GPAT3: variants seen among roughly 807,000 people sequenced by gnomAD.
GPAT3 encodes the protein 1-AGP acyltransferase 9.
GPAT3 carries 53 observed loss-of-function variants against 58.8 expected under a neutral mutation model. The ratio of observed to expected loss-of-function variants is 0.90; its 90% CI spans 0.72 to 1.13. The LOEUF (loss-of-function observed/expected upper bound fraction) is 1.13. Ranked by LOEUF, GPAT3 falls within the 50% of genes most tolerant of loss-of-function variation. The probability of loss-of-function intolerance (pLI) is 0.00; values close to 1 mark genes in which losing one functional copy is unlikely to be tolerated. For synonymous variants in GPAT3, 197 were observed against 187.4 expected (o/e 1.05, Z -0.42); for missense variants, 511 against 527.6 (o/e 0.97, Z 0.31).
At chr4:83,553,265 G>C (rs1724820209) in intron 2 of GPAT3, among the ~76,000 whole-genome samples, 1 of 152,184 alleles carries the variant, frequency 6.6e-6, no homozygotes, top group Non-Finnish European at 1.5e-5. Flanking sequence ...GGTGTGAAGA[G>C]AGGGAATTAA....
Position 83,538,864 on chromosome 4 carries a change from A to C in GPAT3, c.141+2101A>C, listed in dbSNP as rs140864948. On this transcript the variant is annotated intron_variant, in intron 1 of 11. Transcript: ENST00000264409. ...AACTTGGAAACCAGGTAGGTGACAC[A>C]TCAGGAACCCACCCTGTCTGCTGAG... Among the ~76,000 whole-genome samples the C allele has an allele frequency of 6.1e-3, 926 of 152,328 alleles. 11 individuals carry two copies. The highest frequency in any genetic ancestry group is 0.021 in the African/African-American group (879 of 41,574).
intron 7 of GPAT3, among the ~76,000 whole-genome samples, chr4:83,596,423 C>A (rs1241511415): frequency 6.6e-6 from 1 of 152,064 alleles, no homozygotes; most frequent in Non-Finnish European, 1.5e-5. Context: ...GAGTTCGAGA[C>A]CAACCTGGGC....
At chr4:83,560,549 G>A (rs571134794) in intron 2 of GPAT3, among the ~76,000 whole-genome samples, 4 of 152,214 alleles carry the variant, frequency 2.6e-5, no homozygotes, top group South Asian at 2.1e-4. Context: ...TTGTGGGTGG[G>A]ATACTTTGGC....
rs1560601311 is a variant in GPAT3 at position 83,544,601 on chromosome 4, T to G, written c.207T>G (p.Val69=). ...KESILKNSAS[V]GIIQRDESPM... is the part of the protein sequence containing the mutation. The stretch of plus-strand genomic sequence containing the variant: ...CGATTCTTAAAAACTCTGCTTCTGT[T>G]GGTGAGTTTTCCTTTTCATTATGAT... Residue 69 remains valine (V), a splice_region_variant and synonymous_variant, in exon 2 of 12, where the codon GTT becomes GTG. Transcript: ENST00000264409. 3.7e-6 allele frequency: 6 copies of G among 1,613,856 alleles called. No individual in the cohort carries two copies. The highest frequency in any genetic ancestry group is 5.1e-6 in the Non-Finnish European group (6 of 1,179,924).
In GPAT3 at chr4:83,536,410, AGTTAACT is replaced by A. The variant is rs1724084403; in HGVS notation, c.-211_-205del. ...AGACCTGGGCAGCCAGCGGAGAAAG[AGTTAACT>A]GGCAGGGGCGAGGAGGAGCCCAGGG... On this transcript the variant is annotated 5_prime_UTR_variant, in exon 1 of 12. Transcript: ENST00000264409. 41 of 1,355,684 alleles carry A rather than the reference AGTTAACT, an allele frequency of 3.0e-5. No homozygotes were observed. The South Asian group carries it at 7.0e-4, about 23-fold the overall frequency. The allele number at this position is 1,355,684 out of a possible 1,614,324, so 84.0% of individuals were successfully genotyped here. A position where few individuals can be genotyped will look rare whatever the true frequency, so the allele number is the denominator to read the frequency against.
chr4:83,574,579 G>A (rs1378597769), intron 2 of GPAT3, among the ~76,000 whole-genome samples: 1 of 128,214 alleles, frequency 7.8e-6, no homozygotes, highest in South Asian at 2.6e-4. Context: ...AAGTTCAAAC[G>A]TTTATGGCTT....
intron 2 of GPAT3, among the ~76,000 whole-genome samples, chr4:83,570,527 C>G (rs147502646): frequency 0.031 from 4,372 of 142,920 alleles, 218 homozygotes; most frequent in African/African-American, 0.11. Context: ...GGCTGGAGTG[C>G]AGCGGCACGA....
intron 2 of GPAT3, among the ~76,000 whole-genome samples, chr4:83,561,419 T>C (rs929547776): frequency 6.6e-6 from 1 of 152,214 alleles, no homozygotes; most frequent in Non-Finnish European, 1.5e-5. Context: ...ATTAAGTTGG[T>C]ATCTGTCAGT....
rs1045730120 is a variant in GPAT3, at chr4:83,605,610, C to A, written c.*843C>A. The A allele has an allele frequency of 6.6e-6, 1 of 152,320 alleles. No homozygotes were observed. The highest frequency in any genetic ancestry group is 1.5e-5 in the Non-Finnish European group (1 of 67,972). The allele number at this position is 152,320 out of a possible 1,614,324, so 9.4% of individuals were successfully genotyped here. On this transcript the variant is annotated 3_prime_UTR_variant, in exon 12 of 12. Coordinates refer to ENST00000264409, the MANE Select transcript of GPAT3 (RefSeq NM_032717.5). ...TGAATGAGAGTGTGTGGAGCTACCC[C>A]TCACCCTCCACCCCTTTGTGCTTTT...
intron 2 of GPAT3, among the ~76,000 whole-genome samples, chr4:83,558,794 T>C (rs1478973747): frequency 6.6e-6 from 1 of 152,196 alleles, no homozygotes; most frequent in African/African-American, 2.4e-5. Flanking sequence ...CTGTTCATAT[T>C]AAGGGTGGCA....
At chr4:83,579,012 CTTT>C in intron 2 of GPAT3, among the ~76,000 whole-genome samples, 3 of 116,218 alleles carry the variant, frequency 2.6e-5, no homozygotes, top group African/African-American at 1.2e-4. Flanking sequence ...TTCCTTCCTT[CTTT>C]CCCTTTCTTT....
chr4:83,545,575 T>C (rs1157173978), intron 2 of GPAT3, among the ~76,000 whole-genome samples: 1 of 152,288 alleles, frequency 6.6e-6, no homozygotes, highest in East Asian at 1.9e-4. Flanking sequence ...TTTGAAAACA[T>C]TGGAGTATTT....
intron 3 of GPAT3, among the ~76,000 whole-genome samples, chr4:83,583,715 T>G (rs1288935611): frequency 8.4e-6 from 1 of 119,458 alleles, no homozygotes; most frequent in Non-Finnish European, 1.7e-5. Context: ...GGGCCGGGCA[T>G]AGTGACTCTT....
At chr4:83,537,330 C>G (rs999077961) in intron 1 of GPAT3, among the ~76,000 whole-genome samples, 2 of 152,160 alleles carry the variant, frequency 1.3e-5, no homozygotes, top group Non-Finnish European at 2.9e-5. Context: ...GGTATATATT[C>G]TTTGACCTCA....
At chr4:83,541,386 T>C (rs993987305) in intron 1 of GPAT3, among the ~76,000 whole-genome samples, 7 of 146,116 alleles carry the variant, frequency 4.8e-5, no homozygotes, top group African/African-American at 1.3e-4. Context: ...CCCAACTAAT[T>C]TAAAACCTTT....
At chr4:83,568,270 C>A (rs891602798) in intron 2 of GPAT3, among the ~76,000 whole-genome samples, 1 of 151,902 alleles carries the variant, frequency 6.6e-6, no homozygotes, top group Non-Finnish European at 1.5e-5. Context: ...TTAAAATAGG[C>A]AATTGTGATT....
Position 83,596,133 on chromosome 4 carries a change from T to G in GPAT3, c.855-725T>G, listed in dbSNP as rs374048592. Among the ~76,000 whole-genome samples the G allele has an allele frequency of 3.3e-5, 5 of 152,298 alleles. No homozygotes were observed. In the East Asian group the frequency reaches 9.7e-4, roughly 29 times the overall value. On this transcript the variant is annotated intron_variant, in intron 7 of 11. Transcript: ENST00000264409. ...AATGGAAAGTTCAACCTGAATCATTTAAGGATTGTCTTGTACTTAATGGCC... is the reference window on the plus strand; with the variant it reads ...AATGGAAAGTTCAACCTGAATCATTGAAGGATTGTCTTGTACTTAATGGCC...
chr4:83,557,518 T>TA (rs112560889), intron 2 of GPAT3, among the ~76,000 whole-genome samples: 1 of 151,518 alleles, frequency 6.6e-6, no homozygotes, highest in African/African-American at 2.4e-5. Flanking sequence ...CTGATGAGCT[T>TA]AAAAAAAAAT....
intron 1 of GPAT3, among the ~76,000 whole-genome samples, chr4:83,537,563 T>TA (rs201776103): frequency 2.0e-5 from 3 of 150,938 alleles, no homozygotes; most frequent in Admixed American, 1.3e-4. Context: ...AGTCTTTTTT[T>TA]AAAAAAAAAT....
Sources: allele counts gnomAD v4.1 joint callset (sites outside exome capture counted in the v4.1 genomes callset), GRCh38; gene constraint gnomAD v4.1.1; transcripts MANE v1.5; gene names NCBI Gene and HGNC (gene_info 2026-07-23, HGNC 2026-07-21).